NRG2: variants seen among roughly 807,000 people sequenced by gnomAD.
The protein encoded by NRG2 is neuregulin 2, also known as pro-neuregulin-2, membrane-bound isoform.
Under a neutral mutation model 73.9 loss-of-function variants are expected in NRG2, and 27 were observed. The ratio of observed to expected loss-of-function variants is 0.37; its 90% CI spans 0.27 to 0.50. The LOEUF (loss-of-function observed/expected upper bound fraction) is 0.50, where lower values mean the gene tolerates loss of function less well. Ranked by LOEUF, NRG2 falls within the 20% of genes least tolerant of loss-of-function variation. The probability of loss-of-function intolerance (pLI) is 0.96; values close to 1 mark genes in which losing one functional copy is unlikely to be tolerated. For missense variants in NRG2, 1,126 were observed against 1,210.1 expected, an observed-to-expected ratio of 0.93 and a Z score of 1.03; for synonymous variants, 532 against 541.0, an observed-to-expected ratio of 0.98 and a Z score of 0.23.
At chr5:140,042,301 C>T (rs1761990176) in intron 1 of NRG2, 69 bp downstream of exon 1, 2 of 1,261,908 alleles carry the variant, frequency 1.6e-6, no homozygotes, top group African/African-American at 1.5e-5. Flanking sequence ...AGCACCTCCC[C>T]GCCCCACCCC....
intron 1 of NRG2, among the ~76,000 whole-genome samples, chr5:139,907,413 A>C (rs1765303199): frequency 6.6e-6 from 1 of 152,202 alleles, no homozygotes; most frequent in African/African-American, 2.4e-5. Context: ...CACTACAGTA[A>C]AAGCCCCTTT....
intron 1 of NRG2, among the ~76,000 whole-genome samples, chr5:139,911,222 G>A (rs779459174): frequency 6.6e-6 from 1 of 152,076 alleles, no homozygotes; most frequent in African/African-American, 2.4e-5. Context: ...CAGTGTCCCC[G>A]GGGCCTGCTG....
At chr5:139,855,350 C>T (rs965563228) in intron 6 of NRG2, among the ~76,000 whole-genome samples, 6 of 152,372 alleles carry the variant, frequency 3.9e-5, no homozygotes, top group South Asian at 4.1e-4. Flanking sequence ...GGATCATTCC[C>T]ATGAGGAACC....
chr5:139,995,259 C>T (rs981445941), intron 1 of NRG2, among the ~76,000 whole-genome samples: 8 of 152,142 alleles, frequency 5.3e-5, no homozygotes, highest in African/African-American at 1.4e-4. Context: ...CCATCACTAA[C>T]GCAAGAAGAT....
At chr5:139,881,188 G>C (rs543558839) in intron 2 of NRG2, among the ~76,000 whole-genome samples, 1 of 152,242 alleles carries the variant, frequency 6.6e-6, no homozygotes, top group African/African-American at 2.4e-5. Flanking sequence ...GGACAACACA[G>C]GGCAGGACTA....
chr5:139,965,020 C>T (rs1283586339), intron 1 of NRG2, among the ~76,000 whole-genome samples: 4 of 152,220 alleles, frequency 2.6e-5, no homozygotes, highest in Non-Finnish European at 5.9e-5. Flanking sequence ...TCTTGATGCA[C>T]GGGCACTAGG....
chr5:139,848,595 C>T lies in NRG2; in HGVS notation c.1875G>A (p.Ser625=). 1 of 1,569,246 alleles carries T rather than the reference C, an allele frequency of 6.4e-7. No individual in the cohort carries two copies. The highest frequency in any genetic ancestry group is 1.1e-5 in the South Asian group (1 of 87,734). Residue 625 remains serine (S), a synonymous_variant, in exon 10 of 10, where the codon TCG becomes TCA. Transcript: ENST00000361474. ...CCGGCGGCAGCGACACGGCGTGCGC[C>T]GAGTTGGGGGACGTGATCTCGAAAG... is the stretch of plus-strand genomic sequence containing the variant. ...VPTFEITSPN[S]AHAVSLPPAA...
chr5:139,924,885 T>G (rs1751938579), intron 1 of NRG2, among the ~76,000 whole-genome samples: 1 of 152,142 alleles, frequency 6.6e-6, no homozygotes, highest in Non-Finnish European at 1.5e-5. Flanking sequence ...GCAAAGGCAT[T>G]AAGTTGCTAA....
intron 3 of NRG2, among the ~76,000 whole-genome samples, chr5:139,872,348 C>T (rs1762916973): frequency 6.6e-6 from 1 of 152,088 alleles, no homozygotes; most frequent in Non-Finnish European, 1.5e-5. Flanking sequence ...GGGGATGGCA[C>T]CTTTAGGACA....
intron 5 of NRG2, among the ~76,000 whole-genome samples, chr5:139,859,229 G>A (rs1761986306): frequency 6.6e-6 from 1 of 152,162 alleles, no homozygotes; most frequent in Non-Finnish European, 1.5e-5. Context: ...TGAGCTGGGA[G>A]ACAAGGGGCA....
intron 1 of NRG2, among the ~76,000 whole-genome samples, chr5:139,996,960 G>T (rs567376792): frequency 6.6e-6 from 1 of 152,182 alleles, no homozygotes; most frequent in East Asian, 1.9e-4. Context: ...GGGCAACACA[G>T]TGAAACCCTG....
At chr5:139,881,874 C>A (rs558489318) in intron 2 of NRG2, among the ~76,000 whole-genome samples, 3 of 152,282 alleles carry the variant, frequency 2.0e-5, no homozygotes, top group Admixed American at 2.0e-4. Flanking sequence ...GAAGCCCCAG[C>A]CAAACCTCTC....
chr5:139,909,307 G>C (rs753968048), intron 1 of NRG2, among the ~76,000 whole-genome samples: 1 of 152,154 alleles, frequency 6.6e-6, no homozygotes, highest in South Asian at 2.1e-4. Context: ...TCAGTGAAAG[G>C]GGAAAAAACC....
chr5:140,010,491 TAAC>T (rs1561749998), intron 1 of NRG2, among the ~76,000 whole-genome samples: 4 of 152,238 alleles, frequency 2.6e-5, no homozygotes, highest in Middle Eastern at 3.4e-3. Flanking sequence ...TTATCAATTT[TAAC>T]AACAACAATT....
chr5:139,878,865 G>A (rs1252701818), intron 3 of NRG2, among the ~76,000 whole-genome samples: 1 of 152,200 alleles, frequency 6.6e-6, no homozygotes, highest in Non-Finnish European at 1.5e-5. Context: ...GGGCCATAGA[G>A]GAGGCAGTAA....
intron 1 of NRG2, among the ~76,000 whole-genome samples, chr5:139,990,078 G>A (rs920924157): frequency 6.6e-6 from 1 of 151,822 alleles, no homozygotes; most frequent in Non-Finnish European, 1.5e-5. Flanking sequence ...GTGAGCCACT[G>A]TGCCTGGCCT....
chr5:139,949,834 C>T (rs964969764), intron 1 of NRG2, among the ~76,000 whole-genome samples: 1 of 152,158 alleles, frequency 6.6e-6, no homozygotes. Flanking sequence ...TCCTGCTCAC[C>T]TTGGTTTTGG....
chr5:140,003,976 T>C (rs1758695324), intron 1 of NRG2, among the ~76,000 whole-genome samples: 1 of 152,234 alleles, frequency 6.6e-6, no homozygotes, highest in African/African-American at 2.4e-5. Context: ...ATCTCTTGCC[T>C]AGTTGTTTTA....
At chr5:139,950,707 A>G (rs1246053169) in intron 1 of NRG2, among the ~76,000 whole-genome samples, 2 of 152,206 alleles carry the variant, frequency 1.3e-5, no homozygotes, top group African/African-American at 4.8e-5. Flanking sequence ...TCCAACCACA[A>G]GGCTCCCACA....
Sources: gnomAD v4.1 joint callset for allele counts (sites outside exome capture counted in the v4.1 genomes callset) on GRCh38, gnomAD v4.1.1 for gene constraint, MANE v1.5 for transcripts, NCBI Gene and HGNC (gene_info 2026-07-23, HGNC 2026-07-21) for gene names.